LINGO3: variants seen among roughly 807,000 people sequenced by gnomAD.
The protein encoded by LINGO3 is leucine-rich repeat and immunoglobulin-like domain-containing nogo receptor-interacting protein 3.
For synonymous variants in LINGO3, 427 were observed against 444.2 expected, an observed-to-expected ratio of 0.96 and a Z score of 0.49; for missense variants, 750 against 867.7, an observed-to-expected ratio of 0.86 and a Z score of 1.70.
chr19:2,308,142 A>AGCCGCCGCC, the LINGO3 span, among the ~76,000 whole-genome samples: 2,707 of 139,662 alleles, frequency 0.019, 60 homozygotes, highest in Middle Eastern at 0.038. Context: ...CGACACGAGC[A>AGCCGCCGCC]GCCGCCGCCG....
downstream of LINGO3, among the ~76,000 whole-genome samples, chr19:2,289,479 G>C (rs953675981): frequency 3.3e-5 from 5 of 152,034 alleles, 1 homozygote; most frequent in African/African-American, 1.2e-4. Context: ...TGAGGTGTAG[G>C]ACGGCCAGGT....
rs2025509334 is a variant in LINGO3 at position 2,290,641 on chromosome 19, C to G, written c.1136G>C (p.Cys379Ser). Reference sequence around the variant, plus strand: ...GCCGCGCACCTCGGCCGGGGTGGCGCAGGCCGGCAGCCGCCCGTCGAAGTT... The same window carrying G: ...GCCGCGCACCTCGGCCGGGGTGGCGGAGGCCGGCAGCCGCCCGTCGAAGTT... The change falls in exon 1 of 1, where the codon TGC becomes TCC. Residue 379 changes from cysteine (C) to serine (S), a missense_variant. Transcript: ENST00000585527. This position sits in a 1 kb window ranked among gnomAD's most constrained non-coding sequence, Gnocchi z 6.0. The G allele has an allele frequency of 6.2e-7, 1 of 1,600,012 alleles. No individual in the cohort carries two copies. The highest frequency in any genetic ancestry group is 1.3e-5 in the African/African-American group (1 of 74,628).
exon 1 of LINGO3, chr19:2,291,407 G>A (rs199967398): frequency 1.8e-4 from 297 of 1,613,352 alleles, no homozygotes; most frequent in Middle Eastern, 3.3e-4. Context: ...TTGTCCAGGC[G>A]CGTGAAGACC....
chr19:2,295,133 A>T (rs1408881116), upstream of LINGO3, among the ~76,000 whole-genome samples: 3 of 152,214 alleles, frequency 2.0e-5, no homozygotes, highest in African/African-American at 4.8e-5. Flanking sequence ...GATGAATTGT[A>T]CGTAAGTGAG....
chr19:2,299,966 A>G, the LINGO3 span, among the ~76,000 whole-genome samples: 5 of 134,672 alleles, frequency 3.7e-5, no homozygotes, highest in Admixed American at 1.5e-4. Context: ...CTCGTGATCC[A>G]CCGGCCTCGG....
chr19:2,291,159 G>A (rs2025516029), exon 1 of LINGO3: 1 of 1,606,990 alleles, frequency 6.2e-7, no homozygotes, highest in Non-Finnish European at 8.5e-7. Context: ...TGGCCAGGTG[G>A]CGCAGCCGCA....
the LINGO3 span, among the ~76,000 whole-genome samples, chr19:2,306,236 T>G: frequency 6.6e-6 from 1 of 152,220 alleles, no homozygotes; most frequent in Non-Finnish European, 1.5e-5. Flanking sequence ...ACAACTTAGC[T>G]GCAGACAGTC....
chr19:2,290,738 G>T lies in LINGO3; in HGVS notation c.1039C>A (p.Leu347Met). Residue 347 changes from leucine to methionine, a missense_variant, in exon 1 of 1, where the codon CTG (leucine) becomes ATG (methionine). By Grantham distance (15) the Leu-to-Met change is conservative. Transcript: ENST00000585527. This position sits in a 1 kb window ranked among gnomAD's most constrained non-coding sequence, Gnocchi z 6.0. ...GCCAGCGGGTTCCCGTCCACGCGCA[G>T]CGTCTCTAGCGTGTTCACCGAGTGG... 1 of 1,612,716 alleles carries T rather than the reference G, an allele frequency of 6.2e-7. No homozygotes were observed. The highest frequency in any genetic ancestry group is 8.5e-7 in the Non-Finnish European group (1 of 1,179,620).
At chr19:2,289,900 C>A in exon 1 of LINGO3, 1 of 1,013,870 alleles carries the variant, frequency 9.9e-7, no homozygotes, top group Non-Finnish European at 1.4e-6. Context: ...TGGGGAGCGC[C>A]GTGCAGCCGT....
At chr19:2,300,023 C>CTTTTTTTTTT in the LINGO3 span, among the ~76,000 whole-genome samples, 53 of 95,888 alleles carry the variant, frequency 5.5e-4, no homozygotes, top group Non-Finnish European at 7.0e-4. Flanking sequence ...TGCCTGGCCT[C>CTTTTTTTTTT]TTTTTTTTTT....
In LINGO3 at chr19:2,290,362, G is replaced by T. The variant is rs753285958; in HGVS notation, c.1415C>A (p.Pro472Gln). 1.3e-6 allele frequency: 2 copies of T among 1,494,696 alleles called. No homozygotes were observed. Among genetic ancestry groups the T allele is most frequent in the Non-Finnish European group, 1.8e-6 (2 of 1,130,862 alleles). 92.6% of individuals were successfully genotyped at this position (1,494,696 alleles called of 1,614,324 possible). Residue 472 changes from proline to glutamine, a missense_variant, in exon 1 of 1, where the codon CCG becomes CAG. Pro to Gln is a moderately conservative substitution (Grantham distance 76). Coordinates refer to ENST00000585527, the Ensembl canonical transcript of LINGO3. This position sits in a 1 kb window ranked among gnomAD's most constrained non-coding sequence, Gnocchi z 6.0. Reference sequence around the variant, plus strand: ...GCACGTGTAGGTGCCGCTGTCCTGCGGCCGCGCGTCCTGGATCTCCAGCGT... The same window carrying T: ...GCACGTGTAGGTGCCGCTGTCCTGCTGCCGCGCGTCCTGGATCTCCAGCGT...
chr19:2,299,281 G>C, the LINGO3 span, among the ~76,000 whole-genome samples: 2 of 152,182 alleles, frequency 1.3e-5, no homozygotes, highest in Non-Finnish European at 2.9e-5. Flanking sequence ...TCCCCTAAGG[G>C]TCTGGTGTTC....
downstream of LINGO3, among the ~76,000 whole-genome samples, chr19:2,289,032 T>C (rs185446140): frequency 5.9e-4 from 89 of 151,246 alleles, no homozygotes; most frequent in African/African-American, 2.0e-3. Flanking sequence ...GTGTGAGCTG[T>C]GTGTTCCAGT....
At chr19:2,307,703 C>T in the LINGO3 span, among the ~76,000 whole-genome samples, 1 of 152,200 alleles carries the variant, frequency 6.6e-6, no homozygotes, top group Non-Finnish European at 1.5e-5. Flanking sequence ...AAGGCGCGGG[C>T]TGCAGGCTCT....
chr19:2,290,258 G>C lies in LINGO3; in HGVS notation c.1519C>G (p.Pro507Ala), dbSNP rs771646724. The change falls in exon 1 of 1, where the codon CCG becomes GCG. Residue 507 changes from proline to alanine, a missense_variant. Transcript: ENST00000585527. This position sits in a 1 kb window ranked among gnomAD's most constrained non-coding sequence, Gnocchi z 6.0. ...AGCGTCTCGTTGTGGGCCTCGCCCG[G>C]GGTCCGGTTGGCGGCCGGCTCGGGG... 4.4e-6 allele frequency: 7 copies of C among 1,600,470 alleles called. No individual in the cohort carries two copies. The Admixed American group carries it at 1.2e-4, about 27-fold the overall frequency.
chr19:2,298,536 ATTT>A, the LINGO3 span, among the ~76,000 whole-genome samples: 5,762 of 114,088 alleles, frequency 0.051, 366 homozygotes, highest in African/African-American at 0.16. Flanking sequence ...TGGGCCAATA[ATTT>A]TTTTTTTTTT....
the LINGO3 span, among the ~76,000 whole-genome samples, chr19:2,304,360 T>C: frequency 0.61 from 91,746 of 150,188 alleles, 30,824 homozygotes; most frequent in Non-Finnish European, 0.77. Flanking sequence ...GTTGGCAGAA[T>C]GGGGTTGGCA....
the LINGO3 span, among the ~76,000 whole-genome samples, chr19:2,303,823 C>CT: frequency 2.6e-5 from 4 of 152,368 alleles, no homozygotes; most frequent in South Asian, 6.2e-4. Flanking sequence ...GGAGGCTGAA[C>CT]TGGACACCAG....
the LINGO3 span, among the ~76,000 whole-genome samples, chr19:2,297,436 C>T: frequency 6.6e-6 from 1 of 151,544 alleles, no homozygotes; most frequent in Non-Finnish European, 1.5e-5. Flanking sequence ...TCCCGAGGAG[C>T]TGGGACTACA....
Sources: gnomAD v4.1 joint callset for allele counts (sites outside exome capture counted in the v4.1 genomes callset) on GRCh38, gnomAD v4.1.1 for gene constraint, Gnocchi (gnomAD v3.1) non-coding constraint, MANE v1.5 for transcripts, NCBI Gene and HGNC (gene_info 2026-07-23, HGNC 2026-07-21) for gene names.